PLEKHA6: variants seen among roughly 807,000 people sequenced by gnomAD.
The protein encoded by PLEKHA6 is pleckstrin homology domain-containing family A member 6.
In PLEKHA6, 60 loss-of-function variants were observed where a neutral mutation model predicts 116.7. The ratio of observed to expected loss-of-function variants is 0.51; its 90% CI spans 0.42 to 0.64. The LOEUF is 0.64. PLEKHA6 is among the 30% of genes least tolerant of loss of function. PLEKHA6 has a pLI of 0.00. For synonymous variants in PLEKHA6, 489 were observed against 556.1 expected (o/e 0.88, Z 1.70); for missense variants, 1,338 against 1,422.7 (o/e 0.94, Z 0.96).
intron 10 of PLEKHA6, among the ~76,000 whole-genome samples, chr1:204,250,143 G>A (rs188940884): frequency 1.4e-3 from 211 of 152,336 alleles, no homozygotes; most frequent in Non-Finnish European, 2.4e-3. Flanking sequence ...GGGCATAGCC[G>A]TATTCTCCTT....
chr1:204,244,112 C>T (rs1317205861), intron 15 of PLEKHA6, among the ~76,000 whole-genome samples: 3 of 151,936 alleles, frequency 2.0e-5, no homozygotes, highest in Non-Finnish European at 2.9e-5. Flanking sequence ...TGAGCCACCA[C>T]GCCCAGCCTC....
chr1:204,278,373 C>A (rs932366413), intron 1 of PLEKHA6, among the ~76,000 whole-genome samples: 3 of 152,212 alleles, frequency 2.0e-5, no homozygotes, highest in African/African-American at 7.2e-5. Flanking sequence ...CTATATTATT[C>A]CATTTTGTCT....
At chr1:204,377,375 A>C (rs1190457801) in intron 1 of PLEKHA6, among the ~76,000 whole-genome samples, 1 of 152,148 alleles carries the variant, frequency 6.6e-6, no homozygotes, top group Non-Finnish European at 1.5e-5. Flanking sequence ...AAGCTGAGGG[A>C]ATGCCAAGCC....
intron 5 of PLEKHA6, 26 bp from the exon 6 acceptor site, chr1:204,265,068 G>GGT (rs5780223): frequency 0.32 from 413,982 of 1,302,000 alleles, 45,235 homozygotes; most frequent in East Asian, 0.46. Flanking sequence ...GCACAAGAAG[G>GGT]GTGTGTGTGT....
chr1:204,348,867 T>C (rs986493154), intron 1 of PLEKHA6, among the ~76,000 whole-genome samples: 2 of 152,064 alleles, frequency 1.3e-5, no homozygotes, highest in African/African-American at 4.8e-5. Flanking sequence ...GGCTTTCCTG[T>C]CAAAAAACCT....
chr1:204,314,460 A>G (rs1373614602), intron 1 of PLEKHA6, among the ~76,000 whole-genome samples: 8 of 152,206 alleles, frequency 5.3e-5, no homozygotes, highest in African/African-American at 1.9e-4. Context: ...GCCAACAGTA[A>G]GTGCAGAGAA....
chr1:204,241,776 G>C lies in PLEKHA6; in HGVS notation c.2211C>G (p.His737Gln). ...ANYEQSKKDP[H>Q]QTLPLDTPRD... ...TGGGGGTGTCCAGGGGCAATGTCTGGTGGGGGTCTTTCTTGCTTTGTTCAT... is the reference window on the plus strand; with the variant it reads ...TGGGGGTGTCCAGGGGCAATGTCTGCTGGGGGTCTTTCTTGCTTTGTTCAT... Residue 737 changes from histidine (H) to glutamine (Q), a missense_variant, in exon 16 of 23, where the codon CAC becomes CAG. Physicochemically the swap from His to Gln is conservative, Grantham distance 24. This residue lies in a region of PLEKHA6 where 1,136 missense variants were observed against 1,163.6 expected (regional missense o/e 0.98). Coordinates refer to ENST00000272203, the MANE Select transcript of PLEKHA6 (RefSeq NM_014935.5). 6.2e-7 allele frequency: 1 copy of C among 1,614,160 alleles called. No homozygotes were observed. Among genetic ancestry groups the C allele is most frequent in the Non-Finnish European group, 8.5e-7 (1 of 1,179,982 alleles).
chr1:204,306,396 C>A (rs114179334), intron 1 of PLEKHA6, among the ~76,000 whole-genome samples: 3,196 of 152,254 alleles, frequency 0.021, 93 homozygotes, highest in African/African-American at 0.073. Flanking sequence ...TTCAGCCAGC[C>A]TTACCCACCA....
rs1413551445 is a variant in PLEKHA6 at position 204,238,102 on chromosome 1, C to T, written c.2409+3273G>A. 1.3e-5 allele frequency among the ~76,000 whole-genome samples: 2 copies of T among 152,202 alleles called. No individual in the cohort carries two copies. The highest frequency in any genetic ancestry group is 2.9e-5 in the Non-Finnish European group (2 of 68,036). On this transcript the variant is annotated intron_variant, in intron 17 of 22. Transcript: ENST00000272203. The surrounding 1 kb of genome is among the most constrained non-coding windows in gnomAD (Gnocchi z 4.2). ...AGGCCTATTTGGAATTTGGAAGCAA[C>T]ATATTCCTCATTTGGTGTGTTGCTC...
chr1:204,292,595 C>T (rs564695383), intron 1 of PLEKHA6, among the ~76,000 whole-genome samples: 1 of 151,934 alleles, frequency 6.6e-6, no homozygotes, highest in Non-Finnish European at 1.5e-5. Flanking sequence ...TGATGCCCCC[C>T]ATTTCCCTCA....
intron 18 of PLEKHA6, among the ~76,000 whole-genome samples, chr1:204,229,517 C>T (rs1322332461): frequency 2.6e-5 from 4 of 152,208 alleles, no homozygotes; most frequent in Admixed American, 6.5e-5. Flanking sequence ...GGCCTCGAGT[C>T]CTCCCATCCC....
At chr1:204,286,663 G>A (rs1341787458) in intron 1 of PLEKHA6, among the ~76,000 whole-genome samples, 1 of 152,172 alleles carries the variant, frequency 6.6e-6, no homozygotes, top group Non-Finnish European at 1.5e-5. Flanking sequence ...ATTAAACCAA[G>A]CATGTGGGGC....
intron 1 of PLEKHA6, chr1:204,297,228 C>T: frequency 4.1e-6 from 4 of 980,138 alleles, no homozygotes; most frequent in Non-Finnish European, 4.8e-6. Flanking sequence ...CTCCTAAACA[C>T]TACCTTCTGG....
At position 204,259,110 on chromosome 1, in the gene PLEKHA6, G is replaced by A. The variant is rs541479559; in HGVS notation, c.1007+148C>T. 5.8e-4 allele frequency: 521 copies of A among 906,038 alleles called. 2 individuals are homozygous for A. Among genetic ancestry groups the A allele is most frequent in the Non-Finnish European group, 8.1e-4 (493 of 610,166 alleles). 56.1% of individuals were successfully genotyped at this position (906,038 alleles called of 1,614,324 possible). A position where few individuals can be genotyped will look rare whatever the true frequency, so the allele number is the denominator to read the frequency against. On this transcript the variant is annotated intron_variant, in intron 8 of 22. Coordinates refer to ENST00000272203, the MANE Select transcript of PLEKHA6 (RefSeq NM_014935.5). The surrounding 1 kb of genome is among the most constrained non-coding windows in gnomAD (Gnocchi z 4.6). ...CATGGGGCAGGCAGGATTTGGGCAAGCCAGGAAGCATGGGATTTGCTTGGT... is the reference window on the plus strand; with the variant it reads ...CATGGGGCAGGCAGGATTTGGGCAAACCAGGAAGCATGGGATTTGCTTGGT...
chr1:204,313,383 G>A (rs1671736770), intron 1 of PLEKHA6: 1 of 161,482 alleles, frequency 6.2e-6, no homozygotes, highest in Non-Finnish European at 1.3e-5. Context: ...ACACCGGGTT[G>A]TCCTCCACTC....
chr1:204,255,789 C>T, intron 9 of PLEKHA6: 1 of 667,778 alleles, frequency 1.5e-6, no homozygotes, highest in Non-Finnish European at 2.7e-6. Flanking sequence ...GCGACAAGGA[C>T]AAGGAGAGGC....
At chr1:204,375,206 G>A (rs750420128) in intron 1 of PLEKHA6, among the ~76,000 whole-genome samples, 5 of 151,928 alleles carry the variant, frequency 3.3e-5, no homozygotes, top group African/African-American at 7.3e-5. Context: ...ACCCCCACAC[G>A]ATGACCCTTT....
At chr1:204,245,510 G>A in intron 14 of PLEKHA6, 105 bp downstream of exon 14, 1 of 722,050 alleles carries the variant, frequency 1.4e-6, no homozygotes, top group Non-Finnish European at 2.4e-6. Context: ...GCCCTGCCTG[G>A]CTCTGAACAC....
chr1:204,373,928 A>G (rs920443090), intron 1 of PLEKHA6, among the ~76,000 whole-genome samples: 4 of 152,186 alleles, frequency 2.6e-5, no homozygotes, highest in African/African-American at 9.6e-5. Context: ...GTGGAAGAGG[A>G]AGCCAATAAA....
Sources: gnomAD v4.1 joint callset for allele counts (sites outside exome capture counted in the v4.1 genomes callset) on GRCh38, gnomAD v4.1.1 for gene constraint, gnomAD v4.1.1 regional missense constraint, Gnocchi (gnomAD v3.1) non-coding constraint, MANE v1.5 for transcripts, NCBI Gene and HGNC (gene_info 2026-07-23, HGNC 2026-07-21) for gene names.